Variants in NUP58 observed in about 807,000 individuals in gnomAD.
The protein encoded by NUP58 is nucleoporin p58/p45.
Under a neutral mutation model 70.1 loss-of-function variants are expected in NUP58, and 17 were observed. That is an observed-to-expected ratio of 0.24 (90% CI 0.17 to 0.36). The LOEUF (loss-of-function observed/expected upper bound fraction) is 0.36. NUP58 is among the 10% of genes least tolerant of loss of function. NUP58 has a pLI of 1.00. For synonymous variants in NUP58, 275 were observed against 257.6 expected (o/e 1.07, Z -0.65); for missense variants, 644 against 701.5 (o/e 0.92, Z 0.93).
At chr13:25,315,688 GTCA>G (rs2030897991) in intron 6 of NUP58, among the ~76,000 whole-genome samples, 1 of 151,966 alleles carries the variant, frequency 6.6e-6, no homozygotes, top group Admixed American at 6.6e-5. Context: ...GCATTTGTCT[GTCA>G]GTAACTCTTT....
intron 3 of NUP58, among the ~76,000 whole-genome samples, chr13:25,311,877 A>G (rs2030686923): frequency 6.6e-6 from 1 of 152,128 alleles, no homozygotes; most frequent in African/African-American, 2.4e-5. Context: ...GGAGTACAGG[A>G]GAAGGAAAGG....
At chr13:25,343,830 C>T (rs373026890), downstream of NUP58, among the ~76,000 whole-genome samples, 128 of 135,384 alleles carry the variant, frequency 9.5e-4, no homozygotes, top group Middle Eastern at 3.7e-3. Flanking sequence ...TATATATACA[C>T]ATATATATAT....
intron 1 of NUP58, among the ~76,000 whole-genome samples, chr13:25,306,133 C>T (rs144962425): frequency 0.014 from 2,061 of 152,098 alleles, 43 homozygotes; most frequent in African/African-American, 0.047. Flanking sequence ...TGGCCGGGTG[C>T]GGTGGCTCAC....
chr13:25,346,826 GGT>G (rs1566077031), downstream of NUP58, among the ~76,000 whole-genome samples: 1 of 151,764 alleles, frequency 6.6e-6, no homozygotes, highest in East Asian at 1.9e-4. Flanking sequence ...ATATGAATAT[GGT>G]TTATATTTTA....
chr13:25,334,061 G>A (rs1054473366), intron 13 of NUP58: 18 of 985,082 alleles, frequency 1.8e-5, no homozygotes, highest in African/African-American at 3.5e-5. Flanking sequence ...TAATGAAAAA[G>A]TATACTAGGG....
At chr13:25,318,746 C>T (rs917592712) in intron 6 of NUP58, among the ~76,000 whole-genome samples, 9 of 151,940 alleles carry the variant, frequency 5.9e-5, no homozygotes, top group Admixed American at 2.6e-4. Flanking sequence ...AAAATATGTC[C>T]GTTGTTGTGA....
chr13:25,313,431 G>A (rs576699411), intron 4 of NUP58, among the ~76,000 whole-genome samples, 183 bp from the exon 5 acceptor site: 3 of 152,244 alleles, frequency 2.0e-5, no homozygotes, highest in Non-Finnish European at 4.4e-5. Flanking sequence ...TATTTCTGTC[G>A]CAGATTTTTG....
In NUP58 at chr13:25,336,979, C is replaced by T. The variant is rs774818974; in HGVS notation, c.1479C>T (p.Gly493=). 2 of 1,607,394 alleles carry T rather than the reference C, an allele frequency of 1.2e-6. No individual in the cohort carries two copies. The highest frequency in any genetic ancestry group is 2.7e-5 in the African/African-American group (2 of 73,910). The change falls in exon 14 of 16, where the codon GGC becomes GGT. Residue 493 remains glycine (G), a synonymous_variant. Coordinates refer to ENST00000381736, the MANE Select transcript of NUP58 (RefSeq NM_014089.4). ...GAGTTAGTTTTGGAACGCCATTCGGCTCAGGTATTGGCACTGGCTTGCAAT... is the reference window on the plus strand; with the variant it reads ...GAGTTAGTTTTGGAACGCCATTCGGTTCAGGTATTGGCACTGGCTTGCAAT... ...SLGVSFGTPF[G]SGIGTGLQSS... is the part of the protein sequence containing the mutation.
At chr13:25,348,625 A>G (rs142086875) in intron 3 of NUP58, among the ~76,000 whole-genome samples, 1 of 152,330 alleles carries the variant, frequency 6.6e-6, no homozygotes, top group East Asian at 1.9e-4. Context: ...TTTCTGTTAG[A>G]CTATGCTGCT....
intron 12 of NUP58, among the ~76,000 whole-genome samples, chr13:25,330,957 C>G (rs1340771684): frequency 6.6e-6 from 1 of 151,322 alleles, no homozygotes; most frequent in Non-Finnish European, 1.5e-5. Context: ...CTGTTTTAAT[C>G]AAAAGGCTAT....
At chr13:25,324,891 G>T in intron 9 of NUP58, 98 bp from the exon 10 acceptor site, 1 of 784,824 alleles carries the variant, frequency 1.3e-6, no homozygotes, top group Non-Finnish European at 2.1e-6. Context: ...ATTGTTTGAA[G>T]TTTCAGTCCA....
intron 7 of NUP58, among the ~76,000 whole-genome samples, chr13:25,319,561 TA>T (rs2031091820): frequency 6.6e-6 from 1 of 152,158 alleles, no homozygotes; most frequent in Non-Finnish European, 1.5e-5. Context: ...TAAGAAAATT[TA>T]AAACTATTTC....
intron 1 of NUP58, among the ~76,000 whole-genome samples, chr13:25,305,842 T>G (rs2030324081): frequency 6.6e-6 from 1 of 152,132 alleles, no homozygotes; most frequent in Non-Finnish European, 1.5e-5. Context: ...TTGAGTGGCT[T>G]CTTAAGCTGA....
chr13:25,323,745 G>C (rs933191360), intron 9 of NUP58, among the ~76,000 whole-genome samples: 1 of 152,040 alleles, frequency 6.6e-6, no homozygotes, highest in Non-Finnish European at 1.5e-5. Context: ...TGGTTCTTTT[G>C]GGGTAAGTGG....
downstream of NUP58, among the ~76,000 whole-genome samples, chr13:25,346,719 TAAAAA>T (rs897278773): frequency 7.8e-6 from 1 of 128,862 alleles, no homozygotes; most frequent in Non-Finnish European, 1.7e-5. Flanking sequence ...AAACTCCATC[TAAAAA>T]AAAAAAAAAA....
chr13:25,310,715 T>C (rs1205127942), intron 3 of NUP58, among the ~76,000 whole-genome samples: 1 of 152,126 alleles, frequency 6.6e-6, no homozygotes, highest in Non-Finnish European at 1.5e-5. Flanking sequence ...CACTGCACTC[T>C]GGCAGGAACT....
intron 9 of NUP58, among the ~76,000 whole-genome samples, chr13:25,324,447 G>C (rs1409390279): frequency 6.6e-6 from 1 of 152,000 alleles, no homozygotes; most frequent in African/African-American, 2.4e-5. Flanking sequence ...CCAGTTCTTC[G>C]GTCTTCTAGC....
At chr13:25,347,531 G>A (rs2032064504) in intron 3 of NUP58, among the ~76,000 whole-genome samples, 1 of 152,184 alleles carries the variant, frequency 6.6e-6, no homozygotes, top group African/African-American at 2.4e-5. Flanking sequence ...CGATGTCTTT[G>A]TTAGCAACCA....
chr13:25,334,484 A>G (rs2031715634), intron 13 of NUP58: 1 of 985,214 alleles, frequency 1.0e-6, no homozygotes, highest in Non-Finnish European at 1.2e-6. Flanking sequence ...TAAATAGGAA[A>G]CATTAAGTAT....
Sources: allele counts gnomAD v4.1 joint callset (sites outside exome capture counted in the v4.1 genomes callset), GRCh38; gene constraint gnomAD v4.1.1; transcripts MANE v1.5; gene names NCBI Gene and HGNC (gene_info 2026-07-23, HGNC 2026-07-21).